CATSPER1: variants seen among roughly 807,000 people sequenced by gnomAD.
CATSPER1 encodes the protein cation channel sperm associated 1, also known as cation channel sperm-associated protein 1.
In CATSPER1, 57 loss-of-function variants were observed where a neutral mutation model predicts 72.7. The ratio of observed to expected loss-of-function variants is 0.78; its 90% confidence interval spans 0.63 to 0.98. The LOEUF is 0.98. Ranked by LOEUF, CATSPER1 falls within the 50% of genes least tolerant of loss-of-function variation. The pLI is 0.00. For missense variants in CATSPER1, 910 were observed against 1,033.9 expected (o/e 0.88, Z 1.64); for synonymous variants, 363 against 403.0 (o/e 0.90, Z 1.19).
At position 66,021,559 on chromosome 11, in the gene CATSPER1, C is replaced by T. The variant is rs775808039; in HGVS notation, c.1628G>A (p.Arg543Gln). The change falls in exon 4 of 12, where the codon CGG (arginine) becomes CAG (glutamine). Residue 543 changes from arginine (R) to glutamine (Q), a missense_variant. Arg to Gln is a conservative substitution (Grantham distance 43). Coordinates refer to ENST00000312106, the MANE Select transcript of CATSPER1 (RefSeq NM_053054.4). ...CAGGCTCTTGAAGACCTTGAGGATCCGGAAGAGGCTTTGGTGGTAGATGGC... is the reference window on the plus strand; with the variant it reads ...CAGGCTCTTGAAGACCTTGAGGATCTGGAAGAGGCTTTGGTGGTAGATGGC... ...SFAIYHQSLF[R>Q]ILKVFKSLRA... is the part of the protein sequence containing the mutation. The T allele has an allele frequency of 1.2e-5, 20 of 1,613,632 alleles. No individual in the cohort carries two copies. Among genetic ancestry groups the T allele is most frequent in the Admixed American group, 3.3e-5 (2 of 59,978 alleles).
At position 66,017,098 on chromosome 11, in the gene CATSPER1, C is replaced by T. The variant is rs1249040743; in HGVS notation, c.2278G>A (p.Ala760Thr). 9 of 1,603,386 alleles carry T rather than the reference C, an allele frequency of 5.6e-6. No homozygotes were observed. The highest frequency in any genetic ancestry group is 3.3e-5 in the South Asian group (3 of 90,882). Reference protein sequence around the residue: ...EQEQQKFRSQAAVIDEIVDTT... With the variant: ...EQEQQKFRSQTAVIDEIVDTT... ...TCCACAATCTCATCGATGACGGCTG[C>T]CTGGGAGCGGAACTTCTGCTGCTCC... is the stretch of plus-strand genomic sequence containing the variant. Residue 760 changes from alanine to threonine, a missense_variant, in exon 11 of 12, where the codon GCA becomes ACA. Transcript: ENST00000312106.
At chr11:66,021,691 C>G (rs776835270) in intron 3 of CATSPER1, 48 bp from the exon 4 acceptor site, 36 of 1,611,346 alleles carry the variant, frequency 2.2e-5, no homozygotes, top group Non-Finnish European at 2.8e-5. Flanking sequence ...ACGCCAGCGC[C>G]CCCTTCCCCA....
intron 2 of CATSPER1, 50 bp from the exon 3 acceptor site, chr11:66,021,929 C>T (rs1856382095): frequency 7.3e-7 from 1 of 1,369,818 alleles, no homozygotes; most frequent in South Asian, 1.2e-5. Flanking sequence ...ACCCAGTGCC[C>T]TCTCTCTCCT....
At chr11:66,023,814 C>T (rs1384105553) in intron 1 of CATSPER1, among the ~76,000 whole-genome samples, 2 of 151,902 alleles carry the variant, frequency 1.3e-5, no homozygotes, top group Admixed American at 6.6e-5. Flanking sequence ...AACCCACCCT[C>T]CTCATCATCC....
rs1856369993 is a variant in CATSPER1 at position 66,021,555 on chromosome 11, G to A, written c.1632C>T (p.Ile544=). 9.9e-6 allele frequency: 16 copies of A among 1,613,872 alleles called. No individual in the cohort carries two copies. The highest frequency in any genetic ancestry group is 1.4e-5 in the Non-Finnish European group (16 of 1,179,952). The change falls in exon 4 of 12, where the codon ATC becomes ATT. Residue 544 remains isoleucine, a synonymous_variant. Coordinates refer to ENST00000312106, the MANE Select transcript of CATSPER1 (RefSeq NM_053054.4). ...CCCGCAGGCTCTTGAAGACCTTGAG[G>A]ATCCGGAAGAGGCTTTGGTGGTAGA... ...FAIYHQSLFR[I]LKVFKSLRAL... is the part of the protein sequence containing the mutation.
chr11:66,017,062 C>T lies in CATSPER1; in HGVS notation c.2314G>A (p.Glu772Lys). 1 of 1,613,984 alleles carries T rather than the reference C, an allele frequency of 6.2e-7. No individual in the cohort carries two copies. Among genetic ancestry groups the T allele is most frequent in the South Asian group, 1.1e-5 (1 of 91,078 alleles). Reference protein sequence around the residue: ...VIDEIVDTTFEAGEEDFRN With the variant: ...VIDEIVDTTFKAGEEDFRN ...CTTCCCGCTCCTGCCTGGTTCACCT[C>T]AAATGTGGTGTCCACAATCTCATCG... Residue 772 changes from glutamate (E) to lysine (K), a missense_variant and splice_region_variant, in exon 11 of 12, where the codon GAG (glutamate) becomes AAG (lysine). Transcript: ENST00000312106.
At position 66,026,398 on chromosome 11, in the gene CATSPER1, G is replaced by GGA; in HGVS notation, c.-21_-20dup. 1 of 1,602,942 alleles carries GGA rather than the reference G, an allele frequency of 6.2e-7. No homozygotes were observed. Among genetic ancestry groups the GGA allele is most frequent in the Non-Finnish European group, 8.5e-7 (1 of 1,175,496 alleles). On this transcript the variant is annotated 5_prime_UTR_variant, in exon 1 of 12. Transcript: ENST00000312106. ...GATCCATGACTGTGCTGGGAACTCT[G>GGA]GAGCCAAAAGAGCTCAAGACCTGGG...
Position 66,016,776 on chromosome 11 carries a change from C to T in CATSPER1, c.*114G>A, listed in dbSNP as rs1856245067. On this transcript the variant is annotated 3_prime_UTR_variant, in exon 12 of 12. Transcript: ENST00000312106. ...CTGGGGTTTAAAAACTCTGTTGGGG[C>T]CCCTGCTCTGCAGGGCCCGGACAAT... 4 of 1,251,032 alleles carry T rather than the reference C, an allele frequency of 3.2e-6. No homozygotes were observed. Among genetic ancestry groups the T allele is most frequent in the Non-Finnish European group, 4.5e-6 (4 of 893,978 alleles). The allele number at this position is 1,251,032 out of a possible 1,614,324, so 77.5% of individuals were successfully genotyped here.
intron 11 of CATSPER1, 55 bp downstream of exon 11, chr11:66,017,005 C>T: frequency 6.2e-7 from 1 of 1,612,896 alleles, no homozygotes; most frequent in South Asian, 1.1e-5. Flanking sequence ...CCATTTCTGG[C>T]TACAAGCCCC....
chr11:66,017,636 A>G (rs912779758), intron 10 of CATSPER1, among the ~76,000 whole-genome samples: 5 of 144,328 alleles, frequency 3.5e-5, no homozygotes, highest in African/African-American at 1.0e-4. Flanking sequence ...CCACCCACTC[A>G]TCTGCCCACC....
At position 66,022,561 on chromosome 11, in the gene CATSPER1, G is replaced by A. The variant is rs993298163; in HGVS notation, c.1429+288C>T. 6.6e-5 allele frequency among the ~76,000 whole-genome samples: 10 copies of A among 152,308 alleles called. No individual in the cohort carries two copies. The South Asian group carries it at 1.9e-3, about 28-fold the overall frequency. ...CTCCCGGCCCTTCCGCGAAGCTCGG[G>A]CTCCAGGCGCCCGCCCGCCCTCAGC... On this transcript the variant is annotated intron_variant, in intron 2 of 11. Coordinates refer to ENST00000312106, the MANE Select transcript of CATSPER1 (RefSeq NM_053054.4).
chr11:66,020,873 G>C lies in CATSPER1; in HGVS notation c.1865C>G (p.Thr622Ser), dbSNP rs1328323571. The change falls in exon 6 of 12, where the codon ACC becomes AGC. Residue 622 changes from threonine (T) to serine (S), a missense_variant. Coordinates refer to ENST00000312106, the MANE Select transcript of CATSPER1 (RefSeq NM_053054.4). This position sits in a 1 kb window ranked among gnomAD's most constrained non-coding sequence, Gnocchi z 4.5. ...ATCCAGCGTGAGCAAGGTGAAGAGG[G>C]TGAAGATGGTGGTGAAGATGTTCTG... Reference protein sequence around the residue: ...RFQNIFTTIFTLFTLLTLDDW... With the variant: ...RFQNIFTTIFSLFTLLTLDDW... 1.2e-6 allele frequency: 2 copies of C among 1,613,892 alleles called. No homozygotes were observed. The highest frequency in any genetic ancestry group is 2.7e-5 in the African/African-American group (2 of 74,910).
chr11:66,022,448 C>T, intron 2 of CATSPER1, among the ~76,000 whole-genome samples: 1 of 152,270 alleles, frequency 6.6e-6, no homozygotes, highest in Non-Finnish European at 1.5e-5. Context: ...GCGAGCCGGG[C>T]AGCTCCTGTC....
At chr11:66,021,345 A>G in intron 4 of CATSPER1, 151 bp downstream of exon 4, 1 of 1,210,724 alleles carries the variant, frequency 8.3e-7, no homozygotes. Flanking sequence ...GGCTGATTCC[A>G]GTGCATGACA....
In CATSPER1 at chr11:66,025,724, T is replaced by C; in HGVS notation, c.656A>G (p.His219Arg). The change falls in exon 1 of 12, where the codon CAC (histidine) becomes CGC (arginine). Residue 219 changes from histidine to arginine, a missense_variant. Transcript: ENST00000312106. ...HHQVPHRGWPHHHQVHHHGRS... is the reference protein window; with the variant it reads ...HHQVPHRGWPRHHQVHHHGRS... ...GCCATGGTGGTGGACTTGGTGATGG[T>C]GGGGCCAGCCACGGTGGGGGACTTG... 6.2e-7 allele frequency: 1 copy of C among 1,613,576 alleles called. No homozygotes were observed. The highest frequency in any genetic ancestry group is 8.5e-7 in the Non-Finnish European group (1 of 1,179,826).
At chr11:66,018,940 A>T in intron 9 of CATSPER1, 38 bp from the exon 10 acceptor site, 1 of 1,555,070 alleles carries the variant, frequency 6.4e-7, no homozygotes, top group Non-Finnish European at 8.9e-7. Flanking sequence ...CAAGGCCTGG[A>T]TTTGGAGAGG....
At chr11:66,019,365 C>G (rs1856307025) in intron 9 of CATSPER1, among the ~76,000 whole-genome samples, 1 of 151,998 alleles carries the variant, frequency 6.6e-6, no homozygotes, top group South Asian at 2.1e-4. Context: ...CAACCTCTGC[C>G]TCCCGGGTTC....
Position 66,025,515 on chromosome 11 carries a change from G to A in CATSPER1, c.865C>T (p.His289Tyr). 1 of 1,606,138 alleles carries A rather than the reference G, an allele frequency of 6.2e-7. No individual in the cohort carries two copies. The highest frequency in any genetic ancestry group is 1.7e-4 in the Middle Eastern group (1 of 6,058). Residue 289 changes from histidine to tyrosine, a missense_variant, in exon 1 of 12, where the codon CAC becomes TAC. Physicochemically the swap from His to Tyr is moderately conservative, Grantham distance 83. Coordinates refer to ENST00000312106, the MANE Select transcript of CATSPER1 (RefSeq NM_053054.4). ...CGGTGCCGGTGGGTCTGGTGGTAGTGGTGCTGTGTGTGGTGGGGATGGTCG... is the reference window on the plus strand; with the variant it reads ...CGGTGCCGGTGGGTCTGGTGGTAGTAGTGCTGTGTGTGGTGGGGATGGTCG... ...HGDHPHHTQH[H>Y]YHQTHRHRDY...
chr11:66,020,593 G>A lies in CATSPER1; in HGVS notation c.1962C>T (p.Tyr654=), dbSNP rs1294947257. ...GGAAGATGAAGTACTGGATGATGATGTAAATTACGAGGATGGGAATGATGT... is the reference window on the plus strand; with the variant it reads ...GGAAGATGAAGTACTGGATGATGATATAAATTACGAGGATGGGAATGATGT... ...AWYIIPILVI[Y]IIIQYFIFLN... is the part of the protein sequence containing the mutation. The change falls in exon 7 of 12, where the codon TAC becomes TAT. Residue 654 remains tyrosine (Y), a synonymous_variant. Transcript: ENST00000312106. The surrounding 1 kb of genome is among the most constrained non-coding windows in gnomAD (Gnocchi z 4.5). 6.2e-7 allele frequency: 1 copy of A among 1,612,482 alleles called. No individual in the cohort carries two copies. The highest frequency in any genetic ancestry group is 1.3e-5 in the African/African-American group (1 of 74,894).
Sources: gnomAD v4.1 joint callset for allele counts (sites outside exome capture counted in the v4.1 genomes callset) on GRCh38, gnomAD v4.1.1 for gene constraint, Gnocchi (gnomAD v3.1) non-coding constraint, MANE v1.5 for transcripts, NCBI Gene and HGNC (gene_info 2026-07-23, HGNC 2026-07-21) for gene names.